The following ZNF521 variants were observed in gnomAD, a reference collection of about 807,000 sequenced individuals.
The protein encoded by ZNF521 is zinc finger protein 521.
A neutral mutation model predicts 105.5 loss-of-function variants in ZNF521; 14 were observed. The ratio of observed to expected loss-of-function variants is 0.13; its 90% CI spans 0.09 to 0.21. The LOEUF is 0.21. ZNF521 is among the 10% of genes least tolerant of loss of function. The probability of loss-of-function intolerance (pLI) is 1.00; values close to 1 mark genes in which losing one functional copy is unlikely to be tolerated. For synonymous variants in ZNF521, 635 were observed against 606.0 expected, an observed-to-expected ratio of 1.05 and a Z score of -0.70; for missense variants, 1,233 against 1,629.7, an observed-to-expected ratio of 0.76 and a Z score of 4.19.
intron 6 of ZNF521, 22 bp from the exon 7 acceptor site, chr18:25,089,602 G>A (rs750520488): frequency 6.3e-7 from 1 of 1,594,532 alleles, no homozygotes; most frequent in East Asian, 2.2e-5. Flanking sequence ...AAAGAATGAT[G>A]AACTTGGGTT....
chr18:25,280,892 A>G (rs1387100334), intron 3 of ZNF521, among the ~76,000 whole-genome samples: 1 of 152,138 alleles, frequency 6.6e-6, no homozygotes, highest in Non-Finnish European at 1.5e-5. Context: ...TCGATCACCT[A>G]AATACAAGGG....
In ZNF521 at chr18:25,113,243, G is replaced by C. The variant is rs2034231420; in HGVS notation, c.3659-21162C>G. 2.0e-5 allele frequency among the ~76,000 whole-genome samples: 3 copies of C among 152,034 alleles called. 1 individual carries two copies. The highest frequency in any genetic ancestry group is 1.3e-4 in the Admixed American group (2 of 15,256). ...TTTTCCTCAGGCTGTCCAATCAGCA[G>C]GTCCACCAGGGAGCCCAGCCTAGCT... On this transcript the variant is annotated intron_variant, in intron 5 of 7. Coordinates refer to ENST00000361524, the MANE Select transcript of ZNF521 (RefSeq NM_015461.3).
At chr18:25,098,493 T>A (rs536905657) in intron 5 of ZNF521, among the ~76,000 whole-genome samples, 1 of 152,080 alleles carries the variant, frequency 6.6e-6, no homozygotes, top group African/African-American at 2.4e-5. Context: ...AGGGCACTGA[T>A]AAAATCACTT....
chr18:25,258,544 T>A (rs1402272173), intron 3 of ZNF521, among the ~76,000 whole-genome samples: 1 of 152,130 alleles, frequency 6.6e-6, no homozygotes, highest in Non-Finnish European at 1.5e-5. Context: ...AAGAATAGCT[T>A]CCCAAGAAAT....
chr18:25,255,368 T>C (rs1908408868), intron 3 of ZNF521, among the ~76,000 whole-genome samples: 1 of 152,112 alleles, frequency 6.6e-6, no homozygotes, highest in African/African-American at 2.4e-5. Context: ...AGGTGGAAAG[T>C]TTAACTTTTT....
chr18:25,340,872 T>C (rs1224253093), intron 2 of ZNF521, among the ~76,000 whole-genome samples: 1 of 150,434 alleles, frequency 6.6e-6, no homozygotes, highest in African/African-American at 2.4e-5. Flanking sequence ...AATCGGCAAG[T>C]ATAAAAAACA....
At chr18:25,090,686 G>A (rs114793762) in intron 6 of ZNF521, among the ~76,000 whole-genome samples, 1,843 of 152,248 alleles carry the variant, frequency 0.012, 39 homozygotes, top group African/African-American at 0.042. Context: ...CAGCTAATCT[G>A]CATATAACTC....
In ZNF521 at chr18:25,225,893, G is replaced by C. The variant is rs745600346; in HGVS notation, c.2025C>G (p.Asn675Lys). 6.2e-7 allele frequency: 1 copy of C among 1,614,176 alleles called. No individual in the cohort carries two copies. The highest frequency in any genetic ancestry group is 2.2e-5 in the East Asian group (1 of 44,878). The change falls in exon 4 of 8, where the codon AAC becomes AAG. Residue 675 changes from asparagine to lysine, a missense_variant. Asn to Lys is a moderately conservative substitution (Grantham distance 94). Around this residue, in one of 6 missense-constraint regions of ZNF521, gnomAD observed 614 missense variants for 751.5 expected, o/e 0.82. Transcript: ENST00000361524. The surrounding 1 kb of genome is among the most constrained non-coding windows in gnomAD (Gnocchi z 5.6). Reference sequence around the variant, plus strand: ...TAACATGCTTCAGCAAGGATTCTTGGTTGGGGAATTCCTTGTTGCACTGAG... The same window carrying C: ...TAACATGCTTCAGCAAGGATTCTTGCTTGGGGAATTCCTTGTTGCACTGAG... The part of the protein sequence containing the change: ...TCPQCNKEFP[N>K]QESLLKHVTI...
intron 4 of ZNF521, among the ~76,000 whole-genome samples, chr18:25,211,631 C>T (rs1383444157): frequency 6.6e-6 from 1 of 152,090 alleles, no homozygotes; most frequent in Non-Finnish European, 1.5e-5. Context: ...GTTTTGGAAA[C>T]TATTCATTTT....
chr18:25,185,082 A>G (rs1048638255), intron 5 of ZNF521, among the ~76,000 whole-genome samples: 4 of 152,242 alleles, frequency 2.6e-5, no homozygotes, highest in Admixed American at 1.3e-4. Context: ...TATTGAAAAT[A>G]CAAATCTTTT....
intron 2 of ZNF521, 59 bp downstream of exon 2, chr18:25,350,848 G>A: frequency 1.3e-6 from 2 of 1,529,382 alleles, no homozygotes; most frequent in Admixed American, 2.0e-5. Context: ...CCCTCGCTCC[G>A]CTACCCACAG....
intron 3 of ZNF521, among the ~76,000 whole-genome samples, chr18:25,241,815 C>T (rs1162712304): frequency 6.6e-6 from 1 of 152,130 alleles, no homozygotes; most frequent in Non-Finnish European, 1.5e-5. Context: ...GTATTCAGGC[C>T]AATCTGTGTG....
intron 4 of ZNF521, among the ~76,000 whole-genome samples, chr18:25,216,689 G>C (rs1471649168): frequency 6.6e-6 from 1 of 152,082 alleles, no homozygotes; most frequent in East Asian, 1.9e-4. Flanking sequence ...CTCCTGAGTA[G>C]CTAGAACTAC....
chr18:25,084,415 A>C (rs1734818176), intron 7 of ZNF521, among the ~76,000 whole-genome samples: 1 of 151,028 alleles, frequency 6.6e-6, no homozygotes, highest in Non-Finnish European at 1.5e-5. Flanking sequence ...GTGGTGTGAA[A>C]AATATGCATC....
intron 3 of ZNF521, among the ~76,000 whole-genome samples, chr18:25,290,208 C>G (rs558755540): frequency 1.3e-5 from 2 of 152,150 alleles, no homozygotes; most frequent in South Asian, 4.1e-4. Flanking sequence ...CTGAAGAAGG[C>G]GCTTTGATTA....
At chr18:25,124,126 A>C (rs1022466991) in intron 5 of ZNF521, among the ~76,000 whole-genome samples, 3 of 152,008 alleles carry the variant, frequency 2.0e-5, no homozygotes, top group African/African-American at 7.2e-5. Context: ...TCTTTTCTCT[A>C]AATTTCTATT....
intron 5 of ZNF521, among the ~76,000 whole-genome samples, chr18:25,100,331 G>C (rs1010093400): frequency 1.1e-4 from 16 of 152,202 alleles, no homozygotes; most frequent in Non-Finnish European, 2.1e-4. Flanking sequence ...CACAGGTTTA[G>C]ATGAGAAACT....
chr18:25,277,450 T>C (rs1244893078), intron 3 of ZNF521, among the ~76,000 whole-genome samples: 2 of 152,084 alleles, frequency 1.3e-5, no homozygotes, highest in African/African-American at 4.8e-5. Flanking sequence ...TAAATCTAAC[T>C]TGGGTTTTTA....
At chr18:25,098,524 C>G (rs1214102611) in intron 5 of ZNF521, among the ~76,000 whole-genome samples, 1 of 151,670 alleles carries the variant, frequency 6.6e-6, no homozygotes, top group African/African-American at 2.4e-5. Flanking sequence ...TCTCCCCATC[C>G]CAAGAAAAAA....
Sources: gnomAD v4.1 joint callset for allele counts (sites outside exome capture counted in the v4.1 genomes callset) on GRCh38, gnomAD v4.1.1 for gene constraint, gnomAD v4.1.1 regional missense constraint, Gnocchi (gnomAD v3.1) non-coding constraint, MANE v1.5 for transcripts, NCBI Gene and HGNC (gene_info 2026-07-23, HGNC 2026-07-21) for gene names.